The following OXR1 variants were observed in gnomAD, a reference collection of about 807,000 sequenced individuals.
The protein encoded by OXR1 is oxidation resistance protein 1.
Under a neutral mutation model 104.6 loss-of-function variants are expected in OXR1, and 41 were observed. The ratio of observed to expected loss-of-function variants is 0.39; its 90% CI spans 0.31 to 0.51. The LOEUF (loss-of-function observed/expected upper bound fraction) is 0.51, where lower values mean the gene tolerates loss of function less well. Among genes scored for constraint, OXR1 ranks in the 20% least tolerant of loss-of-function variants. OXR1 has a pLI of 0.77. For synonymous variants in OXR1, 348 were observed against 348.4 expected, an observed-to-expected ratio of 1.00 and a Z score of 0.01; for missense variants, 955 against 1,031.9, an observed-to-expected ratio of 0.93 and a Z score of 1.02.
chr8:106,373,154 T>G (rs1046309887), intron 2 of OXR1, among the ~76,000 whole-genome samples: 1 of 152,212 alleles, frequency 6.6e-6, no homozygotes, highest in African/African-American at 2.4e-5. Context: ...TATAGTTATA[T>G]GTAAGTTCTG....
At chr8:106,577,396 T>A (rs1215683893) in intron 3 of OXR1, among the ~76,000 whole-genome samples, 1 of 137,272 alleles carries the variant, frequency 7.3e-6, no homozygotes, top group African/African-American at 2.7e-5. Context: ...TTTTTTTTTT[T>A]TTTTTTTTTT....
chr8:106,689,247 T>C lies in OXR1; in HGVS notation c.526-3481T>C, dbSNP rs569323842. ...GTTTGCCAAGTATCATTGGCATTCC[T>C]TATCTTGTAAATATATCACCACTTT... On this transcript the variant is annotated intron_variant, in intron 6 of 16. Coordinates refer to ENST00000517566, the MANE Select transcript of OXR1 (RefSeq NM_001198533.2). Among the ~76,000 whole-genome samples, 11 of 152,226 alleles carry C rather than the reference T, an allele frequency of 7.2e-5. No homozygotes were observed. The South Asian group carries it at 1.4e-3, about 20-fold the overall frequency.
intron 11 of OXR1, among the ~76,000 whole-genome samples, chr8:106,735,959 G>A (rs1336857520): frequency 6.6e-6 from 1 of 152,100 alleles, no homozygotes; most frequent in Non-Finnish European, 1.5e-5. Context: ...TTATCATTTA[G>A]TCTCCAGGGT....
intron 1 of OXR1, among the ~76,000 whole-genome samples, chr8:106,274,344 G>A (rs1441494986): frequency 2.0e-5 from 3 of 152,152 alleles, no homozygotes; most frequent in East Asian, 3.9e-4. Flanking sequence ...TAAAAGCCTT[G>A]TCATTAGCAC....
At chr8:106,554,305 C>T (rs1381936199) in intron 3 of OXR1, among the ~76,000 whole-genome samples, 4 of 152,200 alleles carry the variant, frequency 2.6e-5, no homozygotes, top group African/African-American at 7.2e-5. Flanking sequence ...TTCAAGGACA[C>T]TTACAAAATA....
intron 2 of OXR1, among the ~76,000 whole-genome samples, chr8:106,453,695 T>C (rs1820446988): frequency 1.3e-5 from 2 of 152,230 alleles, no homozygotes; most frequent in Admixed American, 1.3e-4. Flanking sequence ...GGCATCCAAT[T>C]ATAATACATA....
intron 11 of OXR1, among the ~76,000 whole-genome samples, chr8:106,720,486 A>C (rs543965793): frequency 6.6e-6 from 1 of 152,248 alleles, no homozygotes; most frequent in Non-Finnish European, 1.5e-5. Flanking sequence ...AGTTCCTGTC[A>C]TGCAAGTTAT....
intron 3 of OXR1, 27 bp downstream of exon 3, chr8:106,519,166 G>A: frequency 6.8e-7 from 1 of 1,475,778 alleles, no homozygotes; most frequent in South Asian, 1.2e-5. Context: ...TTATGCAAGT[G>A]AATAGATGAA....
At chr8:106,358,990 A>G (rs1191443487) in intron 1 of OXR1, among the ~76,000 whole-genome samples, 1 of 152,160 alleles carries the variant, frequency 6.6e-6, no homozygotes. Flanking sequence ...TAAATTATTT[A>G]ATGAATAATA....
chr8:106,274,059 A>G (rs1006305785), intron 1 of OXR1, among the ~76,000 whole-genome samples: 2 of 152,228 alleles, frequency 1.3e-5, no homozygotes, highest in African/African-American at 4.8e-5. Context: ...ATGTTAGACA[A>G]ATATTTATTT....
chr8:106,561,912 A>G (rs1050386378), intron 3 of OXR1, among the ~76,000 whole-genome samples: 1 of 152,200 alleles, frequency 6.6e-6, no homozygotes, highest in Admixed American at 6.5e-5. Context: ...TAACAAACAA[A>G]AAGGAATAGC....
intron 3 of OXR1, among the ~76,000 whole-genome samples, chr8:106,632,773 A>G (rs1465086222): frequency 2.0e-5 from 3 of 152,178 alleles, no homozygotes; most frequent in Non-Finnish European, 4.4e-5. Context: ...TGTCTCTACC[A>G]AAAATACAAC....
rs138593315 is a variant in OXR1 at position 106,702,409 on chromosome 8, C to T, written c.676-497C>T. 3.3e-5 allele frequency among the ~76,000 whole-genome samples: 5 copies of T among 152,218 alleles called. No individual in the cohort carries two copies. The East Asian group carries it at 9.6e-4, about 29-fold the overall frequency. On this transcript the variant is annotated intron_variant, in intron 7 of 16. Coordinates refer to ENST00000517566, the MANE Select transcript of OXR1 (RefSeq NM_001198533.2). ...CCCAGAGACTCCTTGCCCAAGGTCA[C>T]AAATCTAGGTAGTAGTAGAGTCAAG...
At chr8:106,510,801 A>T (rs1812474332) in intron 2 of OXR1, among the ~76,000 whole-genome samples, 2 of 152,228 alleles carry the variant, frequency 1.3e-5, no homozygotes, top group Admixed American at 1.3e-4. Flanking sequence ...ATAGAAAAGC[A>T]TAAATTTCTT....
At chr8:106,599,255 T>C (rs573657683) in intron 3 of OXR1, among the ~76,000 whole-genome samples, 2 of 152,310 alleles carry the variant, frequency 1.3e-5, no homozygotes, top group Admixed American at 6.5e-5. Flanking sequence ...GCACCTCAGA[T>C]GGTGAAAACT....
At chr8:106,405,187 TATATATATATATATA>T (rs1563757994) in intron 2 of OXR1, among the ~76,000 whole-genome samples, 38 of 12,670 alleles carry the variant, frequency 3.0e-3, no homozygotes, top group South Asian at 9.1e-3. Context: ...TATATATATA[TATATATATATATATA>T]GTGTGTGTGT....
intron 1 of OXR1, among the ~76,000 whole-genome samples, chr8:106,287,708 T>TGTGCTGTA (rs1812558220): frequency 6.6e-6 from 1 of 152,060 alleles, no homozygotes; most frequent in African/African-American, 2.4e-5. Flanking sequence ...AATGAAACTC[T>TGTGCTGTA]GTGCTGTATT....
intron 2 of OXR1, among the ~76,000 whole-genome samples, chr8:106,478,541 A>G (rs570753805): frequency 6.6e-5 from 10 of 151,930 alleles, no homozygotes; most frequent in Admixed American, 4.6e-4. Context: ...GAGAGTAACT[A>G]TATAAAAAAG....
chr8:106,561,663 C>T (rs559712519), intron 3 of OXR1, among the ~76,000 whole-genome samples: 1 of 152,310 alleles, frequency 6.6e-6, no homozygotes, highest in East Asian at 1.9e-4. Context: ...GTCCCTGACC[C>T]CCGTGCCTCC....
Sources: gnomAD v4.1 joint callset for allele counts (sites outside exome capture counted in the v4.1 genomes callset) on GRCh38, gnomAD v4.1.1 for gene constraint, MANE v1.5 for transcripts, NCBI Gene and HGNC (gene_info 2026-07-23, HGNC 2026-07-21) for gene names.